PPARGC1A: variants seen among roughly 807,000 people sequenced by gnomAD.
PPARGC1A encodes PPARG coactivator 1 alpha.
In PPARGC1A, 25 loss-of-function variants were observed where a neutral mutation model predicts 88.7. The ratio of observed to expected loss-of-function variants is 0.28; its 90% CI spans 0.21 to 0.39. PPARGC1A has a LOEUF of 0.39. PPARGC1A is among the 10% of genes least tolerant of loss of function. The pLI, the probability that PPARGC1A is intolerant of heterozygous loss-of-function variation, is 1.00. For missense variants in PPARGC1A, 880 were observed against 968.7 expected (o/e 0.91, Z 1.22); for synonymous variants, 363 against 355.6 (o/e 1.02, Z -0.24).
chr4:24,009,100 T>C, the PPARGC1A span, among the ~76,000 whole-genome samples: 1 of 136,928 alleles, frequency 7.3e-6, no homozygotes. Context: ...AACTCCCGTG[T>C]GAAATATTTG....
chr4:24,089,441 G>A, the PPARGC1A span, among the ~76,000 whole-genome samples: 4 of 151,812 alleles, frequency 2.6e-5, no homozygotes, highest in African/African-American at 9.7e-5. Flanking sequence ...CCAATGCCAA[G>A]AGTCAGTGAA....
chr4:23,990,983 T>C, the PPARGC1A span, among the ~76,000 whole-genome samples: 6 of 127,956 alleles, frequency 4.7e-5, no homozygotes, highest in African/African-American at 2.7e-5. Context: ...GTTTGGAAGC[T>C]GCAATCAAAC....
At chr4:24,296,191 ATGTG>A in the PPARGC1A span, among the ~76,000 whole-genome samples, 41 of 147,694 alleles carry the variant, frequency 2.8e-4, no homozygotes, top group African/African-American at 9.2e-4. Flanking sequence ...GTATGTGTGT[ATGTG>A]TGTGTGTGTA....
chr4:24,377,563 C>G, the PPARGC1A span, among the ~76,000 whole-genome samples: 1 of 152,102 alleles, frequency 6.6e-6, no homozygotes, highest in Non-Finnish European at 1.5e-5. Flanking sequence ...GAGTTTCAAT[C>G]CTGGCCAAAG....
chr4:24,424,258 CTTTTTTTTTTTTTT>C, the PPARGC1A span, among the ~76,000 whole-genome samples: 283 of 44,328 alleles, frequency 6.4e-3, no homozygotes, highest in Middle Eastern at 0.026. Flanking sequence ...TATACACACA[CTTTTTTTTTTTTTT>C]TTTTTTTTTT....
At chr4:24,465,693 T>C in the PPARGC1A span, among the ~76,000 whole-genome samples, 2 of 152,232 alleles carry the variant, frequency 1.3e-5, no homozygotes, top group Non-Finnish European at 2.9e-5. Context: ...CTGTAACTAC[T>C]GACATTTAAT....
the PPARGC1A span, among the ~76,000 whole-genome samples, chr4:23,959,104 C>G: frequency 6.6e-6 from 1 of 151,920 alleles, no homozygotes; most frequent in Non-Finnish European, 1.5e-5. Context: ...AACAGGTTCT[C>G]TCAATAGGAG....
Position 23,813,946 on chromosome 4 carries a change from C to G in PPARGC1A, c.1537G>C (p.Asp513His). Residue 513 changes from aspartate (D) to histidine (H), a missense_variant, in exon 8 of 13, where the codon GAC becomes CAC. Transcript: ENST00000264867. The part of the protein sequence containing the change: ...SGLAMDGLFD[D>H]SEDESDKLSY... ...AGTTTATCACTTTCATCTTCGCTGT[C>G]ATCAAACAGGCCATCCATGGCTAGT... 3.1e-6 allele frequency: 5 copies of G among 1,614,050 alleles called. No individual in the cohort carries two copies. The highest frequency in any genetic ancestry group is 4.2e-6 in the Non-Finnish European group (5 of 1,179,954).
chr4:24,322,661 C>A, the PPARGC1A span, among the ~76,000 whole-genome samples: 1 of 152,168 alleles, frequency 6.6e-6, no homozygotes, highest in African/African-American at 2.4e-5. Flanking sequence ...AGAAAATATG[C>A]AAGCCAACTG....
chr4:23,845,288 A>G (rs1728122117), intron 2 of PPARGC1A, among the ~76,000 whole-genome samples: 1 of 152,146 alleles, frequency 6.6e-6, no homozygotes, highest in Non-Finnish European at 1.5e-5. Flanking sequence ...ATAAGATAGT[A>G]TATTTGCTGA....
chr4:24,030,360 G>A, the PPARGC1A span, among the ~76,000 whole-genome samples: 3 of 152,100 alleles, frequency 2.0e-5, no homozygotes, highest in African/African-American at 7.2e-5. Context: ...TCACATTGGG[G>A]GCGTCATTTA....
At chr4:24,295,294 G>A in the PPARGC1A span, among the ~76,000 whole-genome samples, 506 of 152,228 alleles carry the variant, frequency 3.3e-3, 5 homozygotes, top group African/African-American at 0.012. Context: ...AACCTCTCTT[G>A]ACGTTTGCCA....
chr4:23,900,768 T>C (rs992972302), upstream of PPARGC1A, among the ~76,000 whole-genome samples: 5 of 152,224 alleles, frequency 3.3e-5, no homozygotes, highest in Admixed American at 6.5e-5. Flanking sequence ...TTTGTTTCTC[T>C]ACTTACCTAA....
At chr4:24,324,712 G>A in the PPARGC1A span, among the ~76,000 whole-genome samples, 2 of 152,058 alleles carry the variant, frequency 1.3e-5, no homozygotes, top group South Asian at 2.1e-4. Context: ...TGGGCAAATG[G>A]TCTGAGGTTC....
At chr4:24,387,398 G>A in the PPARGC1A span, among the ~76,000 whole-genome samples, 3 of 152,054 alleles carry the variant, frequency 2.0e-5, no homozygotes, top group Admixed American at 6.6e-5. Context: ...CCAATGGAAT[G>A]TAATTAAACT....
At position 23,814,516 on chromosome 4, in the gene PPARGC1A, C is replaced by A. The variant is rs180756790; in HGVS notation, c.967G>T (p.Val323Leu). 33 of 1,612,552 alleles carry A rather than the reference C, an allele frequency of 2.0e-5. No homozygotes were observed. In the Middle Eastern group the frequency reaches 5.0e-4, roughly 24 times the overall value. Residue 323 changes from valine to leucine, a missense_variant, in exon 8 of 13, where the codon GTG (valine) becomes TTG (leucine). Physicochemically the swap from Val to Leu is conservative, Grantham distance 32 (BLOSUM62 1). Transcript: ENST00000264867. ...SPKLKSSCKT[V>L]VPPPSKKPRY... ...GGCTTCTTTGATGGTGGTGGCACCA[C>A]AGTCTTGCAAGAGGACTTCAGCTTT... is the stretch of plus-strand genomic sequence containing the variant.
chr4:24,079,196 G>C, the PPARGC1A span, among the ~76,000 whole-genome samples: 1 of 151,856 alleles, frequency 6.6e-6, no homozygotes, highest in African/African-American at 2.4e-5. Flanking sequence ...TTAAACTATT[G>C]ATACATGTTA....
chr4:24,067,997 T>C, the PPARGC1A span, among the ~76,000 whole-genome samples: 1 of 152,064 alleles, frequency 6.6e-6, no homozygotes, highest in Non-Finnish European at 1.5e-5. Flanking sequence ...CACATATGTG[T>C]GTGCTTGTGT....
chr4:24,044,680 A>C, the PPARGC1A span, among the ~76,000 whole-genome samples: 1 of 152,212 alleles, frequency 6.6e-6, no homozygotes, highest in African/African-American at 2.4e-5. Context: ...CCATAAGAGC[A>C]CTGGGTGCAT....
Sources: allele counts gnomAD v4.1 joint callset (sites outside exome capture counted in the v4.1 genomes callset), GRCh38; gene constraint gnomAD v4.1.1; transcripts MANE v1.5; gene names NCBI Gene and HGNC (gene_info 2026-07-23, HGNC 2026-07-21).